The following ARL15 variants were observed in gnomAD, a reference collection of about 807,000 sequenced individuals.
The protein encoded by ARL15 is ARF like GTPase 15, also known as ADP-ribosylation factor-like protein 15.
ARL15 carries 19 observed loss-of-function variants against 25.2 expected under a neutral mutation model. The observed-to-expected ratio is 0.75, with a 90% CI of 0.53 to 1.10. The LOEUF is 1.10. ARL15 is among the 50% of genes least tolerant of loss of function. ARL15 has a pLI of 0.00. For synonymous variants in ARL15, 94 were observed against 86.8 expected (o/e 1.08, Z -0.46); for missense variants, 220 against 246.0 (o/e 0.89, Z 0.71).
intron 4 of ARL15, among the ~76,000 whole-genome samples, chr5:53,953,485 G>A (rs1188170872): frequency 2.6e-5 from 4 of 152,180 alleles, no homozygotes; most frequent in Non-Finnish European, 5.9e-5. Flanking sequence ...ATTTCTTGAA[G>A]CAGAGAATAT....
chr5:54,146,582 G>C (rs1390075218), intron 3 of ARL15, among the ~76,000 whole-genome samples: 1 of 152,192 alleles, frequency 6.6e-6, no homozygotes, highest in African/African-American at 2.4e-5. Context: ...GCAATCCCTG[G>C]GAGAAACAAA....
chr5:54,082,709 C>T (rs1325747599), intron 4 of ARL15, among the ~76,000 whole-genome samples: 2 of 152,114 alleles, frequency 1.3e-5, no homozygotes, highest in African/African-American at 4.8e-5. Context: ...GCTCTTGCAC[C>T]TTTAATGCTC....
At chr5:54,215,457 A>G (rs1756167692) in intron 1 of ARL15, among the ~76,000 whole-genome samples, 1 of 152,178 alleles carries the variant, frequency 6.6e-6, no homozygotes. Context: ...GGATATGGCA[A>G]TAAGCGCCGA....
intron 3 of ARL15, among the ~76,000 whole-genome samples, chr5:54,131,033 A>T (rs1753412510): frequency 6.6e-6 from 1 of 152,208 alleles, no homozygotes; most frequent in Admixed American, 6.5e-5. Context: ...CCTTGGAAGG[A>T]TTACAGAAGT....
intron 1 of ARL15, among the ~76,000 whole-genome samples, chr5:54,249,766 C>T (rs562551860): frequency 2.6e-5 from 4 of 151,362 alleles, no homozygotes; most frequent in South Asian, 2.1e-4. Flanking sequence ...TCCTAAGGCA[C>T]GACAGAGGAG....
At chr5:54,127,344 A>G (rs1419256796) in intron 3 of ARL15, among the ~76,000 whole-genome samples, 2 of 152,210 alleles carry the variant, frequency 1.3e-5, no homozygotes, top group Non-Finnish European at 2.9e-5. Context: ...ACCAATACGC[A>G]AAAATCACAA....
chr5:54,194,721 C>T (rs989863443), intron 1 of ARL15, among the ~76,000 whole-genome samples: 2 of 152,160 alleles, frequency 1.3e-5, no homozygotes, highest in East Asian at 1.9e-4. Context: ...AATGACCTCA[C>T]AGGGTTTTGA....
At chr5:54,192,570 G>C (rs942470333) in intron 1 of ARL15, among the ~76,000 whole-genome samples, 2 of 147,502 alleles carry the variant, frequency 1.4e-5, no homozygotes, top group East Asian at 4.1e-4. Flanking sequence ...TATTAAATTT[G>C]GCAAATCTTA....
chr5:54,271,833 A>C (rs1222196812), intron 1 of ARL15, among the ~76,000 whole-genome samples: 1 of 152,208 alleles, frequency 6.6e-6, no homozygotes, highest in Non-Finnish European at 1.5e-5. Flanking sequence ...TACAAAGCAA[A>C]GACCAAATCA....
chr5:54,186,300 G>A (rs1477691634), intron 1 of ARL15, among the ~76,000 whole-genome samples: 5 of 152,140 alleles, frequency 3.3e-5, no homozygotes, highest in African/African-American at 9.7e-5. Context: ...ATCAACACAC[G>A]TGCCAGACAG....
At chr5:54,000,640 T>C (rs1194798807) in intron 4 of ARL15, among the ~76,000 whole-genome samples, 9 of 152,302 alleles carry the variant, frequency 5.9e-5, no homozygotes, top group African/African-American at 1.9e-4. Context: ...TTTCTCCAAG[T>C]CTGATACTTC....
intron 4 of ARL15, among the ~76,000 whole-genome samples, chr5:53,920,493 C>T (rs1274722414): frequency 6.6e-6 from 1 of 151,806 alleles, no homozygotes; most frequent in Non-Finnish European, 1.5e-5. Flanking sequence ...CTGCCTGGTG[C>T]TTCTGGAATT....
chr5:54,214,557 C>T (rs755782487), intron 1 of ARL15, among the ~76,000 whole-genome samples: 6 of 152,150 alleles, frequency 3.9e-5, no homozygotes, highest in African/African-American at 7.2e-5. Flanking sequence ...TTCCGACATG[C>T]CTCAGCGTGT....
At chr5:54,099,917 C>A (rs1161208846) in intron 4 of ARL15, among the ~76,000 whole-genome samples, 3 of 152,126 alleles carry the variant, frequency 2.0e-5, no homozygotes, top group Non-Finnish European at 2.9e-5. Flanking sequence ...AAAGTTCTGA[C>A]TTCCCAGTCT....
At chr5:54,209,491 T>C (rs997948445) in intron 1 of ARL15, among the ~76,000 whole-genome samples, 1 of 152,290 alleles carries the variant, frequency 6.6e-6, no homozygotes, top group African/African-American at 2.4e-5. Context: ...TTATTTGATC[T>C]TTTAGAAAAT....
intron 3 of ARL15, among the ~76,000 whole-genome samples, chr5:54,122,993 TA>T (rs1250534736): frequency 6.6e-6 from 1 of 152,190 alleles, no homozygotes; most frequent in Non-Finnish European, 1.5e-5. Context: ...TTAAGTTAAT[TA>T]ATGAGTGAAT....
intron 4 of ARL15, among the ~76,000 whole-genome samples, chr5:53,895,739 C>T (rs1478867863): frequency 6.6e-6 from 1 of 152,126 alleles, no homozygotes; most frequent in Non-Finnish European, 1.5e-5. Flanking sequence ...TTTGAATACT[C>T]TTTGGGTGCA....
chr5:53,886,420 A>T lies in ARL15; in HGVS notation c.*141T>A. The T allele has an allele frequency of 1.2e-6, 1 of 849,752 alleles. No homozygotes were observed. The highest frequency in any genetic ancestry group is 1.8e-6 in the Non-Finnish European group (1 of 566,744). The allele number at this position is 849,752 out of a possible 1,614,324, so 52.6% of individuals were successfully genotyped here. A position where few individuals can be genotyped will look rare whatever the true frequency, so the allele number is the denominator to read the frequency against. ...ATCTGATCTACAGAATATTCACTTTAATAGAGAGATGAGAGTCTGAAATGA... is the reference window on the plus strand; with the variant it reads ...ATCTGATCTACAGAATATTCACTTTTATAGAGAGATGAGAGTCTGAAATGA... On this transcript the variant is annotated 3_prime_UTR_variant, in exon 5 of 5. Coordinates refer to ENST00000504924, the MANE Select transcript of ARL15 (RefSeq NM_019087.3).
chr5:53,923,737 C>T lies in ARL15; in HGVS notation c.463-37024G>A, dbSNP rs186057613. On this transcript the variant is annotated intron_variant, in intron 4 of 4. Transcript: ENST00000504924. The stretch of plus-strand genomic sequence containing the variant: ...TATATTAGCCAGGCGTGGTGGCGGG[C>T]GCCCGTAGTCCCAGCTACTCGGGAG... Among the ~76,000 whole-genome samples the T allele has an allele frequency of 6.0e-3, 912 of 152,116 alleles. 2 individuals are homozygous for T. The highest frequency in any genetic ancestry group is 8.2e-3 in the Admixed American group (126 of 15,282).
Sources: gnomAD v4.1 joint callset for allele counts (sites outside exome capture counted in the v4.1 genomes callset) on GRCh38, gnomAD v4.1.1 for gene constraint, MANE v1.5 for transcripts, NCBI Gene and HGNC (gene_info 2026-07-23, HGNC 2026-07-21) for gene names.